The following ACSM1 variants were observed in gnomAD, a reference collection of about 807,000 sequenced individuals.
The protein encoded by ACSM1 is acyl-coenzyme A synthetase ACSM1, mitochondrial.
ACSM1 carries 79 observed loss-of-function variants against 75.8 expected under a neutral mutation model. The observed-to-expected ratio is 1.04, with a 90% CI of 0.87 to 1.26. ACSM1 has a LOEUF of 1.26. Ranked by LOEUF, ACSM1 falls within the 50% of genes most tolerant of loss-of-function variation. ACSM1 has a pLI of 0.00. For synonymous variants in ACSM1, 279 were observed against 265.8 expected (o/e 1.05, Z -0.48); for missense variants, 676 against 720.1 (o/e 0.94, Z 0.70).
intron 7 of ACSM1, among the ~76,000 whole-genome samples, chr16:20,656,727 G>A (rs1244244820): frequency 6.6e-6 from 1 of 151,976 alleles, no homozygotes; most frequent in African/African-American, 2.4e-5. Flanking sequence ...TTGACATCCC[G>A]CTGGGCCTGG....
intron 4 of ACSM1, among the ~76,000 whole-genome samples, chr16:20,678,142 C>T (rs2079350622): frequency 1.3e-5 from 2 of 152,160 alleles, no homozygotes; most frequent in Non-Finnish European, 2.9e-5. Context: ...TCCCAAGCTA[C>T]ACTCCAAATG....
chr16:20,625,312 T>A, intron 12 of ACSM1, 111 bp downstream of exon 12: 2 of 1,037,318 alleles, frequency 1.9e-6, no homozygotes, highest in Non-Finnish European at 1.4e-6. Flanking sequence ...TAAACGCACA[T>A]GCACACTATG....
chr16:20,669,308 C>G (rs1052505152), intron 6 of ACSM1, among the ~76,000 whole-genome samples: 1 of 152,030 alleles, frequency 6.6e-6, no homozygotes. Flanking sequence ...ATTAAAAGAC[C>G]TATTTTGCAG....
intron 11 of ACSM1, 139 bp from the exon 12 acceptor site, chr16:20,625,661 T>TC (rs2016880991): frequency 2.9e-6 from 2 of 681,516 alleles, no homozygotes; most frequent in Admixed American, 2.7e-5. Context: ...CTTGTCTGTG[T>TC]CATGGGCCCA....
In ACSM1 at chr16:20,685,198, C is replaced by T. The variant is rs769122330; in HGVS notation, c.398G>A (p.Arg133Gln). 2.9e-5 allele frequency: 47 copies of T among 1,614,012 alleles called. No homozygotes were observed. The East Asian group carries it at 4.0e-4, about 14-fold the overall frequency. ...GTCCCTCTTGCATCACTGACCTGTT[C>T]GCATGCAGCCCACAGCCACCAGCCA... ...EWWLVAVGCM[R>Q]TGIIFIPATI... The change falls in exon 3 of 14, where the codon CGA becomes CAA. Residue 133 changes from arginine to glutamine, a missense_variant. Coordinates refer to ENST00000520010, the MANE Select transcript of ACSM1 (RefSeq NM_001318890.3).
At chr16:20,631,614 C>A (rs2017352338) in intron 10 of ACSM1, among the ~76,000 whole-genome samples, 1 of 152,148 alleles carries the variant, frequency 6.6e-6, no homozygotes, top group South Asian at 2.1e-4. Flanking sequence ...TGGAACCAAC[C>A]AAAGTGCCCA....
At chr16:20,656,551 T>A (rs958077184) in intron 7 of ACSM1, among the ~76,000 whole-genome samples, 1 of 152,196 alleles carries the variant, frequency 6.6e-6, no homozygotes, top group African/African-American at 2.4e-5. Context: ...AAGATGTCAA[T>A]TCTCAAAAAA....
chr16:20,648,631 G>A lies in ACSM1; in HGVS notation c.993-8047C>T, dbSNP rs1431000149. Among the ~76,000 whole-genome samples the A allele has an allele frequency of 6.6e-6, 1 of 152,148 alleles. No homozygotes were observed. Among genetic ancestry groups the A allele is most frequent in the Non-Finnish European group, 1.5e-5 (1 of 68,036 alleles). On this transcript the variant is annotated intron_variant, in intron 7 of 13. Transcript: ENST00000520010. The surrounding 1 kb of genome is among the most constrained non-coding windows in gnomAD (Gnocchi z 4.2). ...TTATTATCTCTGAAGCCTGCACCTG[G>A]AAGCTTCATCTGCATAATAAAAACT...
At chr16:20,655,629 G>T (rs2018917693) in intron 7 of ACSM1, among the ~76,000 whole-genome samples, 1 of 151,996 alleles carries the variant, frequency 6.6e-6, no homozygotes, top group African/African-American at 2.4e-5. Context: ...GTTAAAGCAA[G>T]ATTTTATTAC....
chr16:20,688,645 A>C (rs910745015), intron 2 of ACSM1, among the ~76,000 whole-genome samples: 1 of 152,254 alleles, frequency 6.6e-6, no homozygotes, highest in African/African-American at 2.4e-5. Context: ...AAGAAAAAAA[A>C]AGCCAACCAA....
chr16:20,631,133 C>T (rs2017317459), intron 10 of ACSM1, among the ~76,000 whole-genome samples: 1 of 152,154 alleles, frequency 6.6e-6, no homozygotes, highest in Admixed American at 6.5e-5. Context: ...TCTCTTAGAG[C>T]TCTGGAGACT....
Position 20,666,482 on chromosome 16 carries a change from C to A in ACSM1, c.912+3345G>T, listed in dbSNP as rs142878610. Among the ~76,000 whole-genome samples the A allele has an allele frequency of 1.1e-3, 164 of 152,182 alleles. 5 individuals carry two copies. In the East Asian group the frequency reaches 0.03, roughly 28 times the overall value. ...CTGCTGAAAGAAATCAGAGATGACA[C>A]AAATAAATGGAAAAAGATTCCATGC... is the stretch of plus-strand genomic sequence containing the variant. On this transcript the variant is annotated intron_variant, in intron 6 of 13. Coordinates refer to ENST00000520010, the MANE Select transcript of ACSM1 (RefSeq NM_001318890.3).
intron 6 of ACSM1, among the ~76,000 whole-genome samples, chr16:20,668,395 G>A (rs747184473): frequency 6.6e-6 from 1 of 152,108 alleles, no homozygotes; most frequent in Non-Finnish European, 1.5e-5. Flanking sequence ...GGATGGGAAG[G>A]GTGGTCAGTC....
chr16:20,637,596 G>C (rs2017802246), intron 8 of ACSM1, 145 bp from the exon 9 acceptor site: 1 of 730,498 alleles, frequency 1.4e-6, no homozygotes, highest in African/African-American at 1.7e-5. Context: ...TAGGGAAGCT[G>C]GAAGGCCTTA....
At chr16:20,636,289 TA>T (rs1354825243) in intron 10 of ACSM1, among the ~76,000 whole-genome samples, 1 of 152,130 alleles carries the variant, frequency 6.6e-6, no homozygotes, top group Non-Finnish European at 1.5e-5. Context: ...CTCTGGTTTT[TA>T]CTTTTTTTTA....
chr16:20,650,753 G>T (rs2018603281), intron 7 of ACSM1, among the ~76,000 whole-genome samples: 1 of 152,060 alleles, frequency 6.6e-6, no homozygotes, highest in African/African-American at 2.4e-5. Flanking sequence ...CACTCTGTAG[G>T]TTTTATGGCA....
At chr16:20,629,304 G>A (rs570839897) in intron 10 of ACSM1, among the ~76,000 whole-genome samples, 1 of 152,298 alleles carries the variant, frequency 6.6e-6, no homozygotes, top group East Asian at 1.9e-4. Context: ...ATGGAAGATG[G>A]AACCATACAG....
At chr16:20,630,016 T>C (rs1315089361) in intron 10 of ACSM1, among the ~76,000 whole-genome samples, 1 of 140,882 alleles carries the variant, frequency 7.1e-6, no homozygotes, top group Non-Finnish European at 1.5e-5. Context: ...AAGACACAAA[T>C]ATGTTGAAAG....
intron 7 of ACSM1, among the ~76,000 whole-genome samples, chr16:20,650,512 C>T (rs532538872): frequency 3.3e-5 from 5 of 151,950 alleles, no homozygotes; most frequent in African/African-American, 1.2e-4. Context: ...CATTTTGAGC[C>T]CTCTCAGAGG....
Sources: gnomAD v4.1 joint callset for allele counts (sites outside exome capture counted in the v4.1 genomes callset) on GRCh38, gnomAD v4.1.1 for gene constraint, Gnocchi (gnomAD v3.1) non-coding constraint, MANE v1.5 for transcripts, NCBI Gene and HGNC (gene_info 2026-07-23, HGNC 2026-07-21) for gene names.